RPS6KA5: variants seen among roughly 807,000 people sequenced by gnomAD.
RPS6KA5 encodes ribosomal protein S6 kinase A5, also known as ribosomal protein S6 kinase alpha-5.
In RPS6KA5, 27 loss-of-function variants were observed where a neutral mutation model predicts 85.5. The observed-to-expected ratio is 0.32, with a 90% CI of 0.23 to 0.44. The LOEUF (loss-of-function observed/expected upper bound fraction) is 0.44, where lower values mean the gene tolerates loss of function less well. Among genes scored for constraint, RPS6KA5 ranks in the 20% least tolerant of loss-of-function variants. The pLI is 1.00. For missense variants in RPS6KA5, 811 were observed against 980.9 expected, an observed-to-expected ratio of 0.83 and a Z score of 2.31; for synonymous variants, 334 against 348.2, an observed-to-expected ratio of 0.96 and a Z score of 0.46.
rs375728081 is a variant in RPS6KA5 at position 90,949,395 on chromosome 14, G to A, written c.395-1845C>T. ...AGCACTGCAGTTATCTTGCTATACT[G>A]CAATTGTTTATTTGCATACTTACTT... is the stretch of plus-strand genomic sequence containing the variant. On this transcript the variant is annotated intron_variant, in intron 3 of 16. Transcript: ENST00000614987. Among the ~76,000 whole-genome samples the A allele has an allele frequency of 3.9e-5, 6 of 152,210 alleles. 1 individual carries two copies. The highest frequency in any genetic ancestry group is 1.4e-4 in the African/African-American group (6 of 41,536).
chr14:90,950,299 T>C (rs1445799081), intron 3 of RPS6KA5, among the ~76,000 whole-genome samples: 1 of 152,254 alleles, frequency 6.6e-6, no homozygotes, highest in African/African-American at 2.4e-5. Flanking sequence ...GCTGAACTTA[T>C]ATATTAGTTC....
At chr14:90,891,855 T>C (rs1466753108) in intron 13 of RPS6KA5, among the ~76,000 whole-genome samples, 1 of 152,196 alleles carries the variant, frequency 6.6e-6, no homozygotes, top group African/African-American at 2.4e-5. Flanking sequence ...ACACCTGAGC[T>C]CCTTTGCAGT....
chr14:90,926,015 G>A (rs2036647052), intron 5 of RPS6KA5, among the ~76,000 whole-genome samples: 1 of 151,134 alleles, frequency 6.6e-6, no homozygotes, highest in Admixed American at 6.6e-5. Flanking sequence ...AAAGAAACGA[G>A]GCAATAAAAA....
At chr14:90,887,386 C>T (rs1419789668) in intron 14 of RPS6KA5, among the ~76,000 whole-genome samples, 5 of 151,878 alleles carry the variant, frequency 3.3e-5, no homozygotes, top group African/African-American at 1.2e-4. Context: ...GACTGGGTCC[C>T]ACTGTGTTGC....
chr14:90,954,682 G>A (rs574250725), intron 3 of RPS6KA5, among the ~76,000 whole-genome samples: 25 of 152,332 alleles, frequency 1.6e-4, no homozygotes, highest in African/African-American at 6.0e-4. Flanking sequence ...CCCAAGTGCT[G>A]GGATTGCAGG....
At chr14:90,935,191 C>A (rs1470517700) in intron 5 of RPS6KA5, among the ~76,000 whole-genome samples, 1 of 152,100 alleles carries the variant, frequency 6.6e-6, no homozygotes, top group African/African-American at 2.4e-5. Context: ...GGAGCCCGAC[C>A]CTTACCTACA....
At position 91,060,422 on chromosome 14, in the gene RPS6KA5, C is replaced by T; in HGVS notation, c.13G>A (p.Gly5Ser). MEEE[G>S]GSSGGAAGTS... ...CCCGCGGCGCCGCCGCTGCTGCCAC[C>T]CTCCTCCTCCATCTTCTCCTTTTTT... The change falls in exon 1 of 17, where the codon GGT becomes AGT. Residue 5 changes from glycine (G) to serine (S), a missense_variant. Gly to Ser is a moderately conservative substitution (Grantham distance 56, BLOSUM62 0). Around this residue, in one of 3 missense-constraint regions of RPS6KA5, gnomAD observed 113 missense variants for 100.0 expected, o/e 1.13. Transcript: ENST00000614987. The T allele has an allele frequency of 2.7e-6, 4 of 1,496,324 alleles. No individual in the cohort carries two copies. The highest frequency in any genetic ancestry group is 2.0e-5 in the Admixed American group (1 of 49,256). 92.7% of individuals were successfully genotyped at this position (1,496,324 alleles called of 1,614,324 possible).
chr14:90,876,991 A>T (rs2033522729), intron 14 of RPS6KA5, among the ~76,000 whole-genome samples: 1 of 152,206 alleles, frequency 6.6e-6, no homozygotes, highest in South Asian at 2.1e-4. Context: ...AGGCTAATAA[A>T]AATAACATAA....
intron 7 of RPS6KA5, among the ~76,000 whole-genome samples, chr14:90,907,394 G>A (rs559647314): frequency 6.6e-6 from 1 of 152,186 alleles, no homozygotes; most frequent in African/African-American, 2.4e-5. Flanking sequence ...CTGTAAAATG[G>A]GCATAACATC....
chr14:90,897,517 A>G (rs958752086), intron 12 of RPS6KA5, among the ~76,000 whole-genome samples: 1 of 152,334 alleles, frequency 6.6e-6, no homozygotes, highest in East Asian at 1.9e-4. Flanking sequence ...TGAAGAAAAG[A>G]CTGGATACAG....
At chr14:91,004,885 C>G (rs1172469502) in intron 1 of RPS6KA5, among the ~76,000 whole-genome samples, 1 of 151,704 alleles carries the variant, frequency 6.6e-6, no homozygotes, top group Non-Finnish European at 1.5e-5. Flanking sequence ...GGAGAATGGC[C>G]TGAACCCGGG....
intron 5 of RPS6KA5, among the ~76,000 whole-genome samples, chr14:90,923,986 T>G (rs1595227566): frequency 6.6e-6 from 1 of 152,078 alleles, no homozygotes; most frequent in African/African-American, 2.4e-5. Flanking sequence ...GCTTAAAAGA[T>G]TTTTCTTCTA....
chr14:91,036,511 CA>C (rs2042418518), intron 1 of RPS6KA5, among the ~76,000 whole-genome samples: 1 of 152,148 alleles, frequency 6.6e-6, no homozygotes, highest in Admixed American at 6.5e-5. Flanking sequence ...ACACAAATAA[CA>C]AATGTACTTG....
intron 1 of RPS6KA5, among the ~76,000 whole-genome samples, chr14:91,032,531 A>G (rs1397024301): frequency 6.6e-6 from 1 of 152,172 alleles, no homozygotes; most frequent in East Asian, 1.9e-4. Context: ...AAAAACTATA[A>G]TACCTAACTA....
chr14:90,900,494 C>A, intron 10 of RPS6KA5, 117 bp downstream of exon 10: 2 of 1,032,082 alleles, frequency 1.9e-6, no homozygotes, highest in South Asian at 2.2e-5. Context: ...TTGCTATATC[C>A]CACTTTTAAA....
chr14:90,915,476 C>T (rs765950732), intron 7 of RPS6KA5, among the ~76,000 whole-genome samples: 4 of 152,196 alleles, frequency 2.6e-5, no homozygotes, highest in East Asian at 1.9e-4. Flanking sequence ...CTGAGAGTGG[C>T]CATTGGCGTA....
At chr14:90,964,525 C>T (rs1014483441) in intron 3 of RPS6KA5, among the ~76,000 whole-genome samples, 10 of 152,160 alleles carry the variant, frequency 6.6e-5, no homozygotes, top group African/African-American at 2.4e-4. Context: ...TTTGTACTGA[C>T]ATTCTCATTC....
chr14:91,003,923 A>C (rs567335552), intron 1 of RPS6KA5, among the ~76,000 whole-genome samples: 4 of 152,334 alleles, frequency 2.6e-5, no homozygotes, highest in Non-Finnish European at 5.9e-5. Context: ...AACAATCTTA[A>C]AGGGTATCTG....
At chr14:90,913,384 C>T (rs778762787) in intron 7 of RPS6KA5, among the ~76,000 whole-genome samples, 1 of 152,150 alleles carries the variant, frequency 6.6e-6, no homozygotes, top group Non-Finnish European at 1.5e-5. Context: ...CATGATACTG[C>T]AAAGATTTTG....
Sources: allele counts gnomAD v4.1 joint callset (sites outside exome capture counted in the v4.1 genomes callset), GRCh38; gene constraint gnomAD v4.1.1; regional missense constraint gnomAD v4.1.1; transcripts MANE v1.5; gene names NCBI Gene and HGNC (gene_info 2026-07-23, HGNC 2026-07-21).